The following FGF12 variants were observed in gnomAD, a reference collection of about 807,000 sequenced individuals.
The protein encoded by FGF12 is fibroblast growth factor 12.
A neutral mutation model predicts 23.6 loss-of-function variants in FGF12; 14 were observed. The observed-to-expected ratio is 0.59, with a 90% CI of 0.39 to 0.93. The LOEUF (loss-of-function observed/expected upper bound fraction) is 0.93. FGF12 is among the 40% of genes least tolerant of loss of function. The pLI, the probability that FGF12 is intolerant of heterozygous loss-of-function variation, is 0.00. For missense variants in FGF12, 175 were observed against 217.8 expected (o/e 0.80, Z 1.24); for synonymous variants, 62 against 77.3 (o/e 0.80, Z 1.04).
At position 192,539,683 on chromosome 3, in the gene FGF12, T is replaced by C. The variant is rs144535426; in HGVS notation, c.14-179145A>G. Among the ~76,000 whole-genome samples, 238 of 152,250 alleles carry C rather than the reference T, an allele frequency of 1.6e-3. No individual in the cohort carries two copies. In the South Asian group the frequency reaches 0.019, roughly 12 times the overall value. On this transcript the variant is annotated intron_variant, in intron 2 of 5. Transcript: ENST00000445105. ...CCTCATATGATAAGTTTGGAAGTAT[T>C]CCCTTTTGCCCTATTTTTCTGAATA...
intron 4 of FGF12, among the ~76,000 whole-genome samples, chr3:192,188,616 G>A (rs1377282390): frequency 6.6e-6 from 1 of 152,204 alleles, no homozygotes; most frequent in African/African-American, 2.4e-5. Context: ...ACAATACATT[G>A]TCTGAGAAAT....
At chr3:192,313,725 TATGCA>T (rs1716078556) in intron 4 of FGF12, among the ~76,000 whole-genome samples, 1 of 152,218 alleles carries the variant, frequency 6.6e-6, no homozygotes, top group East Asian at 1.9e-4. Flanking sequence ...AGAAAGATAA[TATGCA>T]ATCTAATGAA....
chr3:192,334,669 A>G (rs1044614764), intron 4 of FGF12, among the ~76,000 whole-genome samples: 1 of 152,136 alleles, frequency 6.6e-6, no homozygotes, highest in African/African-American at 2.4e-5. Flanking sequence ...TGGCTACCTA[A>G]TTTTGCCAGT....
chr3:192,452,829 C>T (rs956719378), intron 2 of FGF12, among the ~76,000 whole-genome samples: 1 of 152,198 alleles, frequency 6.6e-6, no homozygotes, highest in Admixed American at 6.5e-5. Context: ...TCAGTCTTTT[C>T]TCTCTAGCTG....
intron 2 of FGF12, among the ~76,000 whole-genome samples, chr3:192,642,009 C>T (rs1015022336): frequency 6.6e-6 from 1 of 152,152 alleles, no homozygotes; most frequent in African/African-American, 2.4e-5. Flanking sequence ...CTGCAAACAG[C>T]GTATCTTTTG....
intron 2 of FGF12, among the ~76,000 whole-genome samples, chr3:192,441,663 T>C (rs1433563072): frequency 6.6e-6 from 1 of 152,224 alleles, no homozygotes; most frequent in Non-Finnish European, 1.5e-5. Context: ...ACCCCTAAGA[T>C]TGTCTGGATT....
intron 4 of FGF12, among the ~76,000 whole-genome samples, chr3:192,268,905 A>T (rs1175369758): frequency 6.6e-6 from 1 of 151,936 alleles, no homozygotes; most frequent in Non-Finnish European, 1.5e-5. Flanking sequence ...ATTTTTATTT[A>T]TTTATTTTTT....
intron 2 of FGF12, among the ~76,000 whole-genome samples, chr3:192,491,709 C>T (rs1454141334): frequency 6.6e-6 from 1 of 152,106 alleles, no homozygotes; most frequent in East Asian, 1.9e-4. Flanking sequence ...AAGCATTGTT[C>T]TCCATCGTCT....
intron 2 of FGF12, among the ~76,000 whole-genome samples, chr3:192,604,146 G>A (rs1041297329): frequency 6.6e-6 from 1 of 152,040 alleles, no homozygotes; most frequent in Non-Finnish European, 1.5e-5. Context: ...TTGCATGCAC[G>A]TGCAGGCTGT....
intron 2 of FGF12, among the ~76,000 whole-genome samples, chr3:192,517,847 C>T (rs1461638876): frequency 1.3e-5 from 2 of 152,090 alleles, no homozygotes; most frequent in African/African-American, 4.8e-5. Context: ...TAAAGCAACT[C>T]CTCATGTGAT....
rs189129281 is a variant in FGF12, at chr3:192,389,980, G to C, written c.14-29442C>G. ...AACCCAGGTATATAAAGAAAAAGCT[G>C]TCCTGTAGGCTGACTCATAGTCGCT... is the stretch of plus-strand genomic sequence containing the variant. On this transcript the variant is annotated intron_variant, in intron 2 of 5. Transcript: ENST00000445105. Among the ~76,000 whole-genome samples, 14 of 152,298 alleles carry C rather than the reference G, an allele frequency of 9.2e-5. No individual in the cohort carries two copies. In the South Asian group the frequency reaches 1.2e-3, roughly 14 times the overall value.
At chr3:192,543,762 G>T (rs1168542801) in intron 2 of FGF12, among the ~76,000 whole-genome samples, 1 of 152,154 alleles carries the variant, frequency 6.6e-6, no homozygotes, top group East Asian at 1.9e-4. Context: ...TCCCCTTCAA[G>T]GCAGTGGATT....
At chr3:192,688,165 T>C (rs908285806) in intron 2 of FGF12, among the ~76,000 whole-genome samples, 13 of 152,100 alleles carry the variant, frequency 8.5e-5, no homozygotes, top group African/African-American at 1.9e-4. Context: ...CTCACAGCCA[T>C]AGCAGACCTC....
chr3:192,454,344 CT>C (rs1383290298), intron 2 of FGF12, among the ~76,000 whole-genome samples: 8 of 152,136 alleles, frequency 5.3e-5, no homozygotes, highest in Admixed American at 5.2e-4. Context: ...GCCTACATCT[CT>C]CTTAACAAGA....
rs183246022 is a variant in FGF12, at chr3:192,310,951, T to A, written c.228+24410A>T. On this transcript the variant is annotated intron_variant, in intron 4 of 5. Coordinates refer to ENST00000445105, the MANE Select transcript of FGF12 (RefSeq NM_004113.6). ...TTGGTCCATCACCAGAGTGTTAAAA[T>A]GTTGTCTCACCTCTCCAATCGTGAA... Among the ~76,000 whole-genome samples the A allele has an allele frequency of 2.9e-3, 439 of 152,314 alleles. 2 individuals carry two copies. The highest frequency in any genetic ancestry group is 3.7e-3 in the Non-Finnish European group (251 of 68,000).
At chr3:192,321,731 A>C (rs1671162384) in intron 4 of FGF12, among the ~76,000 whole-genome samples, 1 of 152,160 alleles carries the variant, frequency 6.6e-6, no homozygotes, top group South Asian at 2.1e-4. Flanking sequence ...TAATCTTTGT[A>C]ATTGATGCTG....
At chr3:192,713,893 T>C (rs1029949324) in intron 2 of FGF12, among the ~76,000 whole-genome samples, 12 of 152,330 alleles carry the variant, frequency 7.9e-5, no homozygotes, top group Admixed American at 3.9e-4. Flanking sequence ...GGAGCTGCCA[T>C]ACTTTACAGC....
chr3:192,253,753 C>T (rs1712191091), intron 4 of FGF12, among the ~76,000 whole-genome samples: 1 of 151,900 alleles, frequency 6.6e-6, no homozygotes, highest in African/African-American at 2.4e-5. Flanking sequence ...AGGAAATTTT[C>T]CCCACAGAAT....
chr3:192,296,471 G>A (rs900503440), intron 4 of FGF12, among the ~76,000 whole-genome samples: 6 of 152,006 alleles, frequency 3.9e-5, no homozygotes, highest in Non-Finnish European at 5.9e-5. Context: ...TGATAGCCCC[G>A]CCTTGGCCTC....
Sources: gnomAD v4.1 joint callset for allele counts (sites outside exome capture counted in the v4.1 genomes callset) on GRCh38, gnomAD v4.1.1 for gene constraint, MANE v1.5 for transcripts, NCBI Gene and HGNC (gene_info 2026-07-23, HGNC 2026-07-21) for gene names.